Variants in INSC observed in about 807,000 individuals in gnomAD.
The protein encoded by INSC is INSC spindle orientation adaptor protein, also known as protein inscuteable homolog.
INSC carries 67 observed loss-of-function variants against 58.6 expected under a neutral mutation model. The observed-to-expected ratio is 1.14, with a 90% CI of 0.94 to 1.40. The LOEUF (loss-of-function observed/expected upper bound fraction) is 1.40. Ranked by LOEUF, INSC falls within the 40% of genes most tolerant of loss-of-function variation. The pLI is 0.00. For synonymous variants in INSC, 262 were observed against 276.1 expected (o/e 0.95, Z 0.51); for missense variants, 714 against 692.0 (o/e 1.03, Z -0.36).
chr11:15,118,982 A>G (rs192627072), intron 1 of INSC, among the ~76,000 whole-genome samples: 153 of 152,376 alleles, frequency 1.0e-3, no homozygotes, highest in African/African-American at 3.6e-3. Context: ...CAACTAGCCC[A>G]AGGTCAGAGC....
At chr11:15,257,666 G>T in the INSC span, among the ~76,000 whole-genome samples, 2 of 152,126 alleles carry the variant, frequency 1.3e-5, no homozygotes, top group Non-Finnish European at 2.9e-5. Context: ...AATGCAGTAT[G>T]ACTAGTGTCC....
intron 7 of INSC, among the ~76,000 whole-genome samples, chr11:15,206,793 A>G (rs1437060660): frequency 6.6e-6 from 1 of 152,170 alleles, no homozygotes; most frequent in Non-Finnish European, 1.5e-5. Context: ...TAGGGCTGCT[A>G]TGGTGATGCA....
chr11:15,229,162 T>C (rs1851752587), intron 9 of INSC, among the ~76,000 whole-genome samples: 1 of 152,166 alleles, frequency 6.6e-6, no homozygotes, highest in Non-Finnish European at 1.5e-5. Flanking sequence ...TAATATATAA[T>C]AGAGATTTTT....
intron 8 of INSC, 60 bp from the exon 9 acceptor site, chr11:15,225,590 G>A (rs940651259): frequency 6.6e-7 from 1 of 1,521,442 alleles, no homozygotes; most frequent in Non-Finnish European, 9.0e-7. Flanking sequence ...TGAACCAAAT[G>A]AGACAAGTGA....
chr11:15,161,195 A>G (rs767570223), intron 2 of INSC, among the ~76,000 whole-genome samples: 2 of 152,216 alleles, frequency 1.3e-5, no homozygotes, highest in Non-Finnish European at 2.9e-5. Flanking sequence ...ATCCATGCCC[A>G]TGCCACAAAT....
rs1232096999 is a variant in INSC, at chr11:15,175,901, C to T, written c.217C>T (p.Pro73Ser). The T allele has an allele frequency of 6.2e-7, 1 of 1,614,176 alleles. No homozygotes were observed. The highest frequency in any genetic ancestry group is 1.7e-5 in the Admixed American group (1 of 60,028). The change falls in exon 3 of 13, where the codon CCC becomes TCC. Residue 73 changes from proline (P) to serine (S), a missense_variant. Pro to Ser is a moderately conservative substitution (Grantham distance 74). Coordinates refer to ENST00000379556, the MANE Select transcript of INSC (RefSeq NM_001042536.3). The stretch of plus-strand genomic sequence containing the variant: ...GGCAGGTGGCCCTGGCCCTGGAGAC[C>T]CCCTGCAGCTGCTGCTCAAACGGGG... Reference protein sequence around the residue: ...ILAGGPGPGDPLQLLLKRGWV... With the variant: ...ILAGGPGPGDSLQLLLKRGWV...
At chr11:15,156,793 T>A (rs1389035878) in intron 2 of INSC, among the ~76,000 whole-genome samples, 2 of 152,184 alleles carry the variant, frequency 1.3e-5, no homozygotes, top group Non-Finnish European at 2.9e-5. Flanking sequence ...CCTCCCTTTT[T>A]GTTATGTGGG....
chr11:15,181,740 G>A (rs1338928584), intron 5 of INSC, among the ~76,000 whole-genome samples: 2 of 152,012 alleles, frequency 1.3e-5, no homozygotes. Flanking sequence ...TCAAAATTTT[G>A]GAAATCTTTA....
At chr11:15,227,762 C>T (rs56292593) in intron 9 of INSC, among the ~76,000 whole-genome samples, 5,724 of 152,220 alleles carry the variant, frequency 0.038, 160 homozygotes, top group Middle Eastern at 0.085. Context: ...TTTTGTGATC[C>T]GCCTTACTCA....
chr11:15,152,432 G>T (rs1848683527), intron 2 of INSC, among the ~76,000 whole-genome samples: 1 of 152,172 alleles, frequency 6.6e-6, no homozygotes, highest in Non-Finnish European at 1.5e-5. Flanking sequence ...TTTCTACATA[G>T]CAAACTGAAG....
intron 8 of INSC, among the ~76,000 whole-genome samples, chr11:15,222,291 T>C (rs1210209521): frequency 1.3e-5 from 2 of 148,848 alleles, no homozygotes; most frequent in African/African-American, 4.9e-5. Context: ...CCCCAGGGAA[T>C]TTTTTGTGAC....
downstream of INSC, among the ~76,000 whole-genome samples, chr11:15,247,362 C>G (rs1357731708): frequency 1.3e-5 from 2 of 152,048 alleles, no homozygotes; most frequent in African/African-American, 4.8e-5. Context: ...ATTACTTGCA[C>G]AAGGTCAGTA....
At chr11:15,165,356 A>C (rs1383901461) in intron 2 of INSC, among the ~76,000 whole-genome samples, 2 of 152,216 alleles carry the variant, frequency 1.3e-5, no homozygotes, top group Non-Finnish European at 2.9e-5. Context: ...CCCATCAGGC[A>C]GTATATATTA....
At chr11:15,129,623 C>T (rs1007780501) in intron 1 of INSC, among the ~76,000 whole-genome samples, 1 of 152,082 alleles carries the variant, frequency 6.6e-6, no homozygotes, top group African/African-American at 2.4e-5. Flanking sequence ...TTTCTATGGC[C>T]CTCACATATT....
upstream of INSC, chr11:15,114,865 G>A (rs1161798236): frequency 3.6e-4 from 322 of 890,288 alleles, 1 homozygote; most frequent in Non-Finnish European, 4.0e-4. Flanking sequence ...GGGAGAACGG[G>A]GCGGGGGGTG....
intron 7 of INSC, among the ~76,000 whole-genome samples, chr11:15,207,320 T>C (rs1850842970): frequency 6.6e-6 from 1 of 152,184 alleles, no homozygotes; most frequent in Admixed American, 6.5e-5. Context: ...ATTTTATTTT[T>C]TCAAATAACG....
chr11:15,174,889 T>C (rs1015534056), intron 2 of INSC, among the ~76,000 whole-genome samples: 61 of 152,234 alleles, frequency 4.0e-4, no homozygotes, highest in Non-Finnish European at 6.9e-4. Context: ...TTATATGAAA[T>C]ATAAGGGACT....
At chr11:15,227,516 C>T (rs1288397117) in intron 9 of INSC, among the ~76,000 whole-genome samples, 1 of 152,218 alleles carries the variant, frequency 6.6e-6, no homozygotes, top group Non-Finnish European at 1.5e-5. Flanking sequence ...TATCCAAAAT[C>T]CTCAACTTGG....
chr11:15,229,992 TA>T (rs1185475064), intron 9 of INSC, among the ~76,000 whole-genome samples: 1,490 of 30,124 alleles, frequency 0.049, 134 homozygotes, highest in East Asian at 0.33. Flanking sequence ...TATATATATA[TA>T]TATATATATA....
Sources: gnomAD v4.1 joint callset for allele counts (sites outside exome capture counted in the v4.1 genomes callset) on GRCh38, gnomAD v4.1.1 for gene constraint, MANE v1.5 for transcripts, NCBI Gene and HGNC (gene_info 2026-07-23, HGNC 2026-07-21) for gene names.